Variants in TCTN1 observed in about 807,000 individuals in gnomAD.
TCTN1 encodes the protein tectonic-1.
A neutral mutation model predicts 65.8 loss-of-function variants in TCTN1; 58 were observed. The ratio of observed to expected loss-of-function variants is 0.88; its 90% CI spans 0.71 to 1.10. TCTN1 has a LOEUF of 1.10. Among genes scored for constraint, TCTN1 ranks in the 50% least tolerant of loss-of-function variants. The pLI is 0.00. For synonymous variants in TCTN1, 273 were observed against 289.1 expected (o/e 0.94, Z 0.57); for missense variants, 645 against 719.4 (o/e 0.90, Z 1.18).
At chr12:110,615,595 C>T (rs1315537528) in intron 1 of TCTN1, among the ~76,000 whole-genome samples, 2 of 152,112 alleles carry the variant, frequency 1.3e-5, no homozygotes, top group Admixed American at 1.3e-4. Context: ...ATCCTTCTGC[C>T]TCAGCCTCCA....
intron 5 of TCTN1, 164 bp from the exon 6 acceptor site, chr12:110,634,506 G>A: frequency 1.6e-6 from 1 of 642,706 alleles, no homozygotes; most frequent in East Asian, 3.1e-5. Context: ...GTGAAACCTT[G>A]TCTCTACTAA....
At chr12:110,626,035 A>G in intron 2 of TCTN1, 1 of 253,184 alleles carries the variant, frequency 3.9e-6, no homozygotes, top group Non-Finnish European at 7.7e-6. Context: ...TACAGGTGTG[A>G]GCCACCGTGC....
At chr12:110,615,088 C>T (rs1593193965) in intron 1 of TCTN1, among the ~76,000 whole-genome samples, 1 of 152,218 alleles carries the variant, frequency 6.6e-6, no homozygotes, top group East Asian at 1.9e-4. Flanking sequence ...GGTAGGAGTT[C>T]AAGATCAGTC....
intron 1 of TCTN1, among the ~76,000 whole-genome samples, chr12:110,615,717 C>A (rs534682082): frequency 6.6e-6 from 1 of 152,114 alleles, no homozygotes; most frequent in Non-Finnish European, 1.5e-5. Context: ...CTCCTGGGCT[C>A]AAGTGATCCT....
chr12:110,635,168 C>T (rs185010175), intron 6 of TCTN1, among the ~76,000 whole-genome samples: 35 of 152,258 alleles, frequency 2.3e-4, no homozygotes, highest in Middle Eastern at 3.4e-3. Flanking sequence ...AAGAGGAAAT[C>T]CACTTTCTGG....
Position 110,644,763 on chromosome 12 carries a change from C to A in TCTN1, c.1332-204C>A. ...GTGTGGTGGCTCACTCCTGTAGTCC[C>A]AGCACTCTGGGAGGATTGCATGAGC... On this transcript the variant is annotated intron_variant, in intron 11 of 14. Transcript: ENST00000397659. This position sits in a 1 kb window ranked among gnomAD's most constrained non-coding sequence, Gnocchi z 4.6. The A allele has an allele frequency of 1.5e-6, 1 of 647,946 alleles. No individual in the cohort carries two copies. The allele number at this position is 647,946 out of a possible 1,614,324, so 40.1% of individuals were successfully genotyped here. A position where few individuals can be genotyped will look rare whatever the true frequency, so the allele number is the denominator to read the frequency against.
At chr12:110,647,079 GTC>G (rs1293298912) in intron 12 of TCTN1, 115 bp from the exon 13 acceptor site, 1 of 1,226,752 alleles carries the variant, frequency 8.2e-7, no homozygotes, top group African/African-American at 1.5e-5. Context: ...AACTTGTAGA[GTC>G]TATTCATTTT....
At chr12:110,614,891 G>C (rs1438306412) in intron 1 of TCTN1, among the ~76,000 whole-genome samples, 4 of 152,204 alleles carry the variant, frequency 2.6e-5, no homozygotes, top group Non-Finnish European at 5.9e-5. Context: ...GCTATTGAGG[G>C]AGGGGTTATG....
intron 5 of TCTN1, among the ~76,000 whole-genome samples, chr12:110,634,157 G>T (rs1428073094): frequency 6.6e-6 from 1 of 152,096 alleles, no homozygotes; most frequent in Non-Finnish European, 1.5e-5. Context: ...AAAGGGGAAA[G>T]AAATAATAAT....
chr12:110,628,031 T>C, intron 3 of TCTN1: 1 of 1,535,486 alleles, frequency 6.5e-7, no homozygotes, highest in Non-Finnish European at 8.7e-7. Context: ...GCCTGCTTCC[T>C]TCTCTCTCTT....
intron 3 of TCTN1, chr12:110,628,202 G>A (rs1210105351): frequency 6.5e-7 from 1 of 1,535,910 alleles, no homozygotes; most frequent in Admixed American, 2.0e-5. Context: ...GATTATTATT[G>A]GCTTCTGTTG....
intron 1 of TCTN1, among the ~76,000 whole-genome samples, chr12:110,618,545 T>C (rs2065204960): frequency 6.6e-6 from 1 of 152,044 alleles, no homozygotes. Context: ...AGCCTAATTT[T>C]TGTATTTTTA....
intron 2 of TCTN1, among the ~76,000 whole-genome samples, chr12:110,622,616 G>A (rs2065515094): frequency 6.6e-6 from 1 of 152,118 alleles, no homozygotes; most frequent in Admixed American, 6.6e-5. Context: ...GAACTGCGTG[G>A]ACAGAGATGG....
At position 110,614,165 on chromosome 12, in the gene TCTN1, G is replaced by GCTGGGACTCC. The variant is rs2064867418; in HGVS notation, c.-11_-2dup. Reference sequence around the variant, plus strand: ...ACGCGCTGTCCATGTCGCGGGCCTCGCTGGGACTCCCTGGGAGATGAGGCC... The same window carrying GCTGGGACTCC: ...ACGCGCTGTCCATGTCGCGGGCCTCGCTGGGACTCCCTGGGACTCCCTGGGAGATGAGGCC... On this transcript the variant is annotated 5_prime_UTR_variant, in exon 1 of 15. Transcript: ENST00000397659. 4.5e-6 allele frequency: 7 copies of GCTGGGACTCC among 1,548,366 alleles called. 1 individual carries two copies. The East Asian group carries it at 1.7e-4, about 37-fold the overall frequency.
intron 6 of TCTN1, among the ~76,000 whole-genome samples, 172 bp downstream of exon 6, chr12:110,634,951 A>T (rs2066463162): frequency 6.6e-6 from 1 of 152,090 alleles, no homozygotes; most frequent in African/African-American, 2.4e-5. Flanking sequence ...AATAATTTTT[A>T]TTTTTTTATA....
At chr12:110,624,484 A>G (rs2065686992) in intron 2 of TCTN1, among the ~76,000 whole-genome samples, 2 of 151,990 alleles carry the variant, frequency 1.3e-5, no homozygotes, top group Non-Finnish European at 2.9e-5. Context: ...TGCTGGGATT[A>G]CAGGCATGAG....
intron 9 of TCTN1, 96 bp from the exon 10 acceptor site, chr12:110,641,446 T>C: frequency 8.2e-7 from 1 of 1,220,810 alleles, no homozygotes; most frequent in Non-Finnish European, 1.2e-6. Context: ...TATTGGTTGG[T>C]AATTCCATAT....
rs952907210 is a variant in TCTN1, at chr12:110,649,179, T to A, written c.*138T>A. 12 of 683,284 alleles carry A rather than the reference T, an allele frequency of 1.8e-5. No homozygotes were observed. Among genetic ancestry groups the A allele is most frequent in the Non-Finnish European group, 3.2e-5 (12 of 377,532 alleles). 42.3% of individuals were successfully genotyped at this position (683,284 alleles called of 1,614,324 possible). A position where few individuals can be genotyped will look rare whatever the true frequency, so the allele number is the denominator to read the frequency against. On this transcript the variant is annotated 3_prime_UTR_variant, in exon 15 of 15. Transcript: ENST00000397659. ...TCAATTAAGGCTAAAGTGTTCAACA[T>A]GAGAAAATGTGATACATTTGATACA...
chr12:110,645,262 A>C lies in TCTN1; in HGVS notation c.1494+133A>C, dbSNP rs1404062387. The C allele has an allele frequency of 4.9e-6, 6 of 1,224,448 alleles. No homozygotes were observed. In the East Asian group the frequency reaches 1.5e-4, roughly 31 times the overall value. The allele number at this position is 1,224,448 out of a possible 1,614,324, so 75.8% of individuals were successfully genotyped here. ...TGGGAGCGCGGGCTGAATCTTGGAT[A>C]CTGATTTTTGCCCCTTGTTAGCAAT... On this transcript the variant is annotated intron_variant, in intron 12 of 14. Coordinates refer to ENST00000397659, the MANE Select transcript of TCTN1 (RefSeq NM_001082538.3).
Sources: allele counts gnomAD v4.1 joint callset (sites outside exome capture counted in the v4.1 genomes callset), GRCh38; gene constraint gnomAD v4.1.1; non-coding constraint Gnocchi (gnomAD v3.1); transcripts MANE v1.5; gene names NCBI Gene and HGNC (gene_info 2026-07-23, HGNC 2026-07-21).